ANKRD36C: variants seen among roughly 807,000 people sequenced by gnomAD.
ANKRD36C encodes the protein ankyrin repeat domain 36C.
Under a neutral mutation model 276.4 loss-of-function variants are expected in ANKRD36C, and 61 were observed. The ratio of observed to expected loss-of-function variants is 0.22; its 90% CI spans 0.18 to 0.27. The LOEUF (loss-of-function observed/expected upper bound fraction) is 0.27, where lower values mean the gene tolerates loss of function less well. ANKRD36C is among the 10% of genes least tolerant of loss of function. The pLI, the probability that ANKRD36C is intolerant of heterozygous loss-of-function variation, is 1.00. For synonymous variants in ANKRD36C, 483 were observed against 680.1 expected, an observed-to-expected ratio of 0.71 and a Z score of 4.51; for missense variants, 1,447 against 2,032.3, an observed-to-expected ratio of 0.71 and a Z score of 5.54.
At chr2:95,903,008 G>C (rs2104381108) in intron 42 of ANKRD36C, 45 bp downstream of exon 53, 1 of 1,571,594 alleles carries the variant, frequency 6.4e-7, no homozygotes. Context: ...ATGCTTCATA[G>C]ACTATACATT....
At chr2:95,964,167 A>G (rs1189184916) in intron 6 of ANKRD36C, among the ~76,000 whole-genome samples, 1 of 147,894 alleles carries the variant, frequency 6.8e-6, no homozygotes, top group Non-Finnish European at 1.5e-5. Flanking sequence ...CTCAGCCAAC[A>G]CAGCTTTCCT....
Position 95,962,509 on chromosome 2 carries a change from G to A in ANKRD36C, c.828+10C>T. 6.2e-7 allele frequency: 1 copy of A among 1,600,874 alleles called. No individual in the cohort carries two copies. Among genetic ancestry groups the A allele is most frequent in the South Asian group, 1.1e-5 (1 of 90,852 alleles). ...TTAATAGTTCAAAACAGAAATGAAT[G>A]TGTAATTACCTTCAAGGCTGGTTGT... is the stretch of plus-strand genomic sequence containing the variant. On this transcript the variant is annotated intron_variant, in intron 7 of 66. Transcript: ENST00000456556.
intron 44 of ANKRD36C, among the ~76,000 whole-genome samples, chr2:95,894,505 T>A (rs962518481): frequency 6.6e-6 from 1 of 151,482 alleles, no homozygotes; most frequent in African/African-American, 2.4e-5. Flanking sequence ...CAGAAATCAT[T>A]CCAATATTCA....
At chr2:95,963,030 T>A (rs1678497517) in intron 6 of ANKRD36C, among the ~76,000 whole-genome samples, 1 of 152,072 alleles carries the variant, frequency 6.6e-6, no homozygotes, top group Admixed American at 6.6e-5. Context: ...ACACTTCAGC[T>A]GAATGTACAC....
At chr2:95,980,236 C>T (rs1678889532) in intron 5 of ANKRD36C, among the ~76,000 whole-genome samples, 1 of 152,060 alleles carries the variant, frequency 6.6e-6, no homozygotes, top group South Asian at 2.1e-4. Context: ...TGAAAAATTC[C>T]ATGATCAGGC....
At chr2:95,893,273 C>G (rs1676429908) in intron 44 of ANKRD36C, among the ~76,000 whole-genome samples, 1 of 151,218 alleles carries the variant, frequency 6.6e-6, no homozygotes, top group Non-Finnish European at 1.5e-5. Context: ...ATGCTGTTCC[C>G]CAGAGCCCCT....
intron 58 of ANKRD36C, among the ~76,000 whole-genome samples, chr2:95,879,908 T>C (rs200795432): frequency 5.6e-5 from 8 of 143,672 alleles, no homozygotes; most frequent in South Asian, 2.4e-4. Flanking sequence ...AGGCCAGGCA[T>C]GGTGGTTCAC....
exon 34 of ANKRD36C, chr2:95,921,642 G>C (rs768044939): frequency 5.0e-6 from 8 of 1,609,020 alleles, no homozygotes; most frequent in African/African-American, 2.7e-5. Context: ...TATTTCTGTG[G>C]CTATATTCGA....
At chr2:95,867,563 A>C (rs1675708730) in exon 60 of ANKRD36C, 2 of 1,439,018 alleles carry the variant, frequency 1.4e-6, no homozygotes, top group Non-Finnish European at 1.9e-6. Context: ...TCATCCCTAG[A>C]ATGTATTTGG....
intron 46 of ANKRD36C, 136 bp from the exon 67 acceptor site, chr2:95,890,130 G>T (rs777668648): frequency 3.3e-6 from 4 of 1,197,086 alleles, no homozygotes; most frequent in Non-Finnish European, 2.4e-6. Context: ...ATATTGTGTC[G>T]GGGACAAGAA....
At chr2:95,929,356 A>G (rs1573775345) in intron 24 of ANKRD36C, 89 bp from the exon 25 acceptor site, 1 of 1,419,566 alleles carries the variant, frequency 7.0e-7, no homozygotes, top group Non-Finnish European at 9.5e-7. Flanking sequence ...GTTAGCATCA[A>G]GTTTTGTACT....
intron 44 of ANKRD36C, among the ~76,000 whole-genome samples, chr2:95,896,039 G>A (rs928332416): frequency 2.7e-5 from 4 of 147,234 alleles, no homozygotes; most frequent in Non-Finnish European, 6.0e-5. Context: ...CCCAATAACT[G>A]AGAAGGCACA....
intron 10 of ANKRD36C, among the ~76,000 whole-genome samples, chr2:95,959,390 C>T (rs1678404936): frequency 6.6e-6 from 1 of 152,182 alleles, no homozygotes; most frequent in Admixed American, 6.6e-5. Context: ...TCATAATGTG[C>T]CTACATTTCT....
intron 16 of ANKRD36C, 144 bp from the exon 17 acceptor site, chr2:95,948,740 A>G (rs938571024): frequency 3.0e-6 from 2 of 673,608 alleles, no homozygotes; most frequent in South Asian, 2.3e-5. Flanking sequence ...ATATTAAATA[A>G]TATTTCTTGG....
chr2:95,893,116 T>C (rs532994460), intron 44 of ANKRD36C, among the ~76,000 whole-genome samples: 24 of 151,264 alleles, frequency 1.6e-4, no homozygotes, highest in Admixed American at 4.6e-4. Flanking sequence ...ACACCAGGGG[T>C]CTCCTTAGTT....
At chr2:95,890,087 C>G (rs1676303255) in intron 46 of ANKRD36C, 93 bp from the exon 67 acceptor site, 1 of 1,478,906 alleles carries the variant, frequency 6.8e-7, no homozygotes, top group South Asian at 1.2e-5. Flanking sequence ...CTCTGTCCTC[C>G]TGCCTGTATT....
At chr2:95,950,707 A>G in intron 16 of ANKRD36C, 42 bp downstream of exon 16, 1 of 1,530,954 alleles carries the variant, frequency 6.5e-7, no homozygotes, top group Non-Finnish European at 8.8e-7. Context: ...CTCGCTATTC[A>G]CTTAGTTAAC....
intron 3 of ANKRD36C, among the ~76,000 whole-genome samples, chr2:95,985,109 A>T (rs985501550): frequency 1.3e-5 from 2 of 152,224 alleles, no homozygotes; most frequent in African/African-American, 4.8e-5. Context: ...GAGTCCTGAA[A>T]GAGTCAGTCT....
chr2:95,869,961 G>A (rs1675767506), intron 59 of ANKRD36C, among the ~76,000 whole-genome samples: 1 of 152,220 alleles, frequency 6.6e-6, no homozygotes, highest in Non-Finnish European at 1.5e-5. Flanking sequence ...GGCTGGGGGA[G>A]GGGCACCTGC....
Sources: allele counts gnomAD v4.1 joint callset (sites outside exome capture counted in the v4.1 genomes callset), GRCh38; gene constraint gnomAD v4.1.1; transcripts MANE v1.5; gene names NCBI Gene and HGNC (gene_info 2026-07-23, HGNC 2026-07-21).